RELN: variants seen among roughly 807,000 people sequenced by gnomAD.
RELN encodes reelin.
RELN carries 108 observed loss-of-function variants against 427.6 expected under a neutral mutation model. The ratio of observed to expected loss-of-function variants is 0.25; its 90% CI spans 0.22 to 0.30. The LOEUF (loss-of-function observed/expected upper bound fraction) is 0.30. Ranked by LOEUF, RELN falls within the 10% of genes least tolerant of loss-of-function variation. The pLI, the probability that RELN is intolerant of heterozygous loss-of-function variation, is 1.00. For synonymous variants in RELN, 1,524 were observed against 1,513.4 expected (o/e 1.01, Z -0.16); for missense variants, 3,715 against 4,302.8 (o/e 0.86, Z 3.82).
At chr7:103,602,613 T>C (rs1831699460) in intron 24 of RELN, among the ~76,000 whole-genome samples, 1 of 151,974 alleles carries the variant, frequency 6.6e-6, no homozygotes, top group South Asian at 2.1e-4. Context: ...TTCTCACTCA[T>C]AAGTGGGAGT....
At chr7:103,713,478 CA>C (rs1481125977) in intron 8 of RELN, among the ~76,000 whole-genome samples, 1 of 152,068 alleles carries the variant, frequency 6.6e-6, no homozygotes, top group Non-Finnish European at 1.5e-5. Flanking sequence ...GATGAATGGA[CA>C]AATTTTAGGG....
intron 6 of RELN, among the ~76,000 whole-genome samples, chr7:103,745,636 A>T (rs1051878215): frequency 1.3e-5 from 2 of 151,472 alleles, no homozygotes; most frequent in African/African-American, 4.9e-5. Flanking sequence ...ACAAACAGAG[A>T]GCCAAATCAT....
At chr7:103,689,384 A>G (rs1442569761) in intron 10 of RELN, among the ~76,000 whole-genome samples, 1 of 152,120 alleles carries the variant, frequency 6.6e-6, no homozygotes. Context: ...TCCAGAGTTG[A>G]CAGAAGCCAG....
chr7:103,745,050 C>A (rs1014036146), intron 6 of RELN, among the ~76,000 whole-genome samples: 3 of 152,136 alleles, frequency 2.0e-5, no homozygotes, highest in Non-Finnish European at 2.9e-5. Flanking sequence ...AGCAGCACAT[C>A]GAAAAGCTTA....
intron 24 of RELN, among the ~76,000 whole-genome samples, chr7:103,602,985 G>C (rs2117269903): frequency 6.6e-6 from 1 of 152,172 alleles, no homozygotes; most frequent in African/African-American, 2.4e-5. Flanking sequence ...GAGACCAAAA[G>C]CCTTCCCTAC....
chr7:103,622,762 C>A (rs1832248506), intron 20 of RELN, among the ~76,000 whole-genome samples: 1 of 152,176 alleles, frequency 6.6e-6, no homozygotes, highest in Non-Finnish European at 1.5e-5. Flanking sequence ...CACATAAAAC[C>A]CCATTTCTCT....
chr7:103,606,196 G>T (rs1831815110), intron 22 of RELN, among the ~76,000 whole-genome samples: 1 of 152,106 alleles, frequency 6.6e-6, no homozygotes, highest in African/African-American at 2.4e-5. Context: ...CCACGGCCAC[G>T]GGTGACTAGA....
At chr7:103,801,381 C>A (rs1322259531) in intron 3 of RELN, among the ~76,000 whole-genome samples, 9 of 152,170 alleles carry the variant, frequency 5.9e-5, no homozygotes, top group Non-Finnish European at 1.3e-4. Context: ...CACATATACA[C>A]CATGGAATAC....
chr7:103,948,229 G>C (rs980866424), intron 1 of RELN, among the ~76,000 whole-genome samples: 1 of 152,078 alleles, frequency 6.6e-6, no homozygotes, highest in Non-Finnish European at 1.5e-5. Flanking sequence ...TAGATGCCTT[G>C]TACTACATTT....
At chr7:103,520,410 G>A (rs566797035) in intron 48 of RELN, among the ~76,000 whole-genome samples, 5 of 152,058 alleles carry the variant, frequency 3.3e-5, no homozygotes, top group African/African-American at 1.2e-4. Context: ...CGAGTAGCTG[G>A]GACCACAGTT....
intron 2 of RELN, among the ~76,000 whole-genome samples, chr7:103,916,299 A>G (rs1795480527): frequency 6.6e-6 from 1 of 152,222 alleles, no homozygotes; most frequent in African/African-American, 2.4e-5. Context: ...TGTGTCTGAT[A>G]ATGCAATTCT....
At position 103,610,776 on chromosome 7, in the gene RELN, T is replaced by A; in HGVS notation, c.2927A>T (p.Glu976Val). The change falls in exon 22 of 65, where the codon GAA becomes GTA. Residue 976 changes from glutamate (E) to valine (V), a missense_variant. Physicochemically the swap from Glu to Val is moderately radical, Grantham distance 121. Coordinates refer to ENST00000428762, the MANE Select transcript of RELN (RefSeq NM_005045.4). ...ECLPSMPSCQEFTSASIYHAS... is the reference protein window; with the variant it reads ...ECLPSMPSCQVFTSASIYHAS... ...ATGGTAAATACTTGCTGATGTAAAT[T>A]CCTGACAACTTGGCATACTTGGAAG... 1 of 1,611,276 alleles carries A rather than the reference T, an allele frequency of 6.2e-7. No homozygotes were observed. Among genetic ancestry groups the A allele is most frequent in the South Asian group, 1.1e-5 (1 of 91,022 alleles).
chr7:103,490,967 T>A, intron 58 of RELN, 138 bp from the exon 59 acceptor site: 1 of 758,554 alleles, frequency 1.3e-6, no homozygotes, highest in Non-Finnish European at 2.1e-6. Flanking sequence ...CATTTATAAT[T>A]ACAGATTATA....
At chr7:103,782,602 C>A (rs575896492) in intron 3 of RELN, among the ~76,000 whole-genome samples, 1 of 152,116 alleles carries the variant, frequency 6.6e-6, no homozygotes. Flanking sequence ...ATGATTTGAA[C>A]ATATGAAGGA....
chr7:103,921,165 A>C (rs1795609652), intron 1 of RELN, among the ~76,000 whole-genome samples: 1 of 152,198 alleles, frequency 6.6e-6, no homozygotes, highest in Non-Finnish European at 1.5e-5. Context: ...CTTGACAAAA[A>C]TGTTTATAAA....
At chr7:103,483,610 G>C (rs1221277691) in intron 62 of RELN, 43 bp downstream of exon 62, 1 of 1,588,418 alleles carries the variant, frequency 6.3e-7, no homozygotes, top group East Asian at 2.2e-5. Context: ...GATTCACAAA[G>C]GGATTGTGCA....
At position 103,573,437 on chromosome 7, in the gene RELN, C is replaced by A. The variant is rs1005824502; in HGVS notation, c.4511+655G>T. On this transcript the variant is annotated intron_variant, in intron 30 of 64. Transcript: ENST00000428762. The surrounding 1 kb of genome is among the most constrained non-coding windows in gnomAD (Gnocchi z 4.4). ...CTTGACAGGCACACCTCTGAGAGAACAATGCAGATGGAAAGGGAAGGAAAT... is the reference window on the plus strand; with the variant it reads ...CTTGACAGGCACACCTCTGAGAGAAAAATGCAGATGGAAAGGGAAGGAAAT... Among the ~76,000 whole-genome samples the A allele has an allele frequency of 7.2e-5, 11 of 151,990 alleles. No homozygotes were observed. The highest frequency in any genetic ancestry group is 2.7e-4 in the African/African-American group (11 of 41,344).
At chr7:103,562,475 G>A (rs139732510) in intron 34 of RELN, among the ~76,000 whole-genome samples, 4 of 152,312 alleles carry the variant, frequency 2.6e-5, no homozygotes, top group Admixed American at 2.6e-4. Flanking sequence ...TTCTAAAGCT[G>A]AGGCCTAGAA....
intron 1 of RELN, among the ~76,000 whole-genome samples, chr7:103,974,927 T>C (rs1396549124): frequency 6.6e-6 from 1 of 152,258 alleles, no homozygotes; most frequent in Non-Finnish European, 1.5e-5. Context: ...TTATAGTTTC[T>C]ATTAATAATT....
Sources: allele counts gnomAD v4.1 joint callset (sites outside exome capture counted in the v4.1 genomes callset), GRCh38; gene constraint gnomAD v4.1.1; non-coding constraint Gnocchi (gnomAD v3.1); transcripts MANE v1.5; gene names NCBI Gene and HGNC (gene_info 2026-07-23, HGNC 2026-07-21).